MRPS16: variants seen among roughly 807,000 people sequenced by gnomAD.
The protein encoded by MRPS16 is mitochondrial ribosomal protein S16.
In MRPS16, 5 loss-of-function variants were observed where a neutral mutation model predicts 11.0. That is an observed-to-expected ratio of 0.46 (90% CI 0.24 to 0.96). The LOEUF (loss-of-function observed/expected upper bound fraction) is 0.96. Among genes scored for constraint, MRPS16 ranks in the 40% least tolerant of loss-of-function variants. The pLI is 0.20. For synonymous variants in MRPS16, 76 were observed against 65.0 expected, an observed-to-expected ratio of 1.17 and a Z score of -0.81; for missense variants, 179 against 174.4, an observed-to-expected ratio of 1.03 and a Z score of -0.15.
rs1318760839 is a variant in MRPS16 at position 73,251,764 on chromosome 10, CAGA to C, written c.270_272del (p.Leu91del). 1 of 1,614,170 alleles carries C rather than the reference CAGA, an allele frequency of 6.2e-7. No homozygotes were observed. The highest frequency in any genetic ancestry group is 1.3e-5 in the African/African-American group (1 of 75,044). ...AAGGTAAGACCAGAGCTGAGTTACC[CAGA>C]AGCTTTTCCATAGGCTTAGAGAGGT... On this transcript the variant is annotated inframe_deletion and splice_region_variant, in exon 2 of 3. Coordinates refer to ENST00000372945, the MANE Select transcript of MRPS16 (RefSeq NM_016065.4).
At chr10:73,251,215 G>A (rs1220724248) in intron 2 of MRPS16, among the ~76,000 whole-genome samples, 1 of 152,046 alleles carries the variant, frequency 6.6e-6, no homozygotes, top group Non-Finnish European at 1.5e-5. Context: ...ACTGACAGAT[G>A]GCCATTCAAA....
Position 73,249,380 on chromosome 10 carries a change from A to C in MRPS16, c.*1472T>G. On this transcript the variant is annotated 3_prime_UTR_variant, in exon 3 of 3. Coordinates refer to ENST00000372945, the MANE Select transcript of MRPS16 (RefSeq NM_016065.4). ...TAAAGTATACTGAAGTTATTCAAAT[A>C]CATTCAAACTATAAAGATCCCTTAT... 1.4e-6 allele frequency: 2 copies of C among 1,461,864 alleles called. No individual in the cohort carries two copies. The highest frequency in any genetic ancestry group is 1.9e-6 in the Non-Finnish European group (2 of 1,072,814). 90.6% of individuals were successfully genotyped at this position (1,461,864 alleles called of 1,614,324 possible).
intron 1 of MRPS16, 191 bp downstream of exon 1, chr10:73,252,279 T>G (rs776422997): frequency 3.4e-4 from 369 of 1,080,166 alleles, no homozygotes; most frequent in Non-Finnish European, 4.7e-4. Flanking sequence ...CCTTAGCTGC[T>G]TCAATGGGGT....
Position 73,251,142 on chromosome 10 carries a change from C to G in MRPS16, c.275-151G>C, listed in dbSNP as rs113275253. The G allele has an allele frequency of 5.8e-4, 512 of 888,218 alleles. 3 individuals are homozygous for G. In the African/African-American group the frequency reaches 7.2e-3, roughly 13 times the overall value. 55.0% of individuals were successfully genotyped at this position (888,218 alleles called of 1,614,324 possible). A position where few individuals can be genotyped will look rare whatever the true frequency, so the allele number is the denominator to read the frequency against. On this transcript the variant is annotated intron_variant, in intron 2 of 2. Transcript: ENST00000372945. ...TTGCCAAACTCTGTACTACTTCTCC[C>G]CGGCAAGGAGACAGTGGATGTCTAC...
In MRPS16 at chr10:73,251,048, G is replaced by A. The variant is rs994092444; in HGVS notation, c.275-57C>T. The A allele has an allele frequency of 3.1e-6, 5 of 1,595,538 alleles. No homozygotes were observed. The Admixed American group carries it at 8.3e-5, about 27-fold the overall frequency. ...CACAGTATAAGCCAATGCTTCCCTA[G>A]GAACTCTGTCTCACAGAACTGAGGT... On this transcript the variant is annotated intron_variant, in intron 2 of 2. Transcript: ENST00000372945.
Position 73,252,620 on chromosome 10 carries a change from G to C in MRPS16, c.-138C>G, listed in dbSNP as rs182975011. 3.2e-5 allele frequency: 41 copies of C among 1,266,204 alleles called. No homozygotes were observed. The African/African-American group carries it at 4.6e-4, about 14-fold the overall frequency. 78.4% of individuals were successfully genotyped at this position (1,266,204 alleles called of 1,614,324 possible). On this transcript the variant is annotated 5_prime_UTR_variant, in exon 1 of 3. Coordinates refer to ENST00000372945, the MANE Select transcript of MRPS16 (RefSeq NM_016065.4). ...CCGCACCGCCAAGCGGTACAAGCCC[G>C]AAAACCTCGACTCCGGAAGCGGATG...
Position 73,250,715 on chromosome 10 carries a change from G to A in MRPS16, c.*137C>T. The A allele has an allele frequency of 3.4e-6, 4 of 1,174,274 alleles. No individual in the cohort carries two copies. The highest frequency in any genetic ancestry group is 5.0e-6 in the Non-Finnish European group (4 of 796,300). 72.7% of individuals were successfully genotyped at this position (1,174,274 alleles called of 1,614,324 possible). A position where few individuals can be genotyped will look rare whatever the true frequency, so the allele number is the denominator to read the frequency against. ...CAAATCTCTCCCTGGGCCCTGTGCA[G>A]GCCAGGCCAGAAGAGCAAGGGCAAC... is the stretch of plus-strand genomic sequence containing the variant. On this transcript the variant is annotated 3_prime_UTR_variant, in exon 3 of 3. Coordinates refer to ENST00000372945, the MANE Select transcript of MRPS16 (RefSeq NM_016065.4).
rs141953041 is a variant in MRPS16 at position 73,252,021 on chromosome 10, T to C, written c.16A>G (p.Thr6Ala). The change falls in exon 2 of 3, where the codon ACT becomes GCT. Residue 6 changes from threonine (T) to alanine (A), a missense_variant and splice_region_variant. By Grantham distance (58) the Thr-to-Ala change is moderately conservative. Coordinates refer to ENST00000372945, the MANE Select transcript of MRPS16 (RefSeq NM_016065.4). MVHLT[T>A]LLCKAYRGGH... is the part of the protein sequence containing the mutation. ...CCACGGTAGGCCTTGCAGAGGAGAGTAGCTGTAGAAAAGCAGCTGGTTAGG... is the reference window on the plus strand; with the variant it reads ...CCACGGTAGGCCTTGCAGAGGAGAGCAGCTGTAGAAAAGCAGCTGGTTAGG... The C allele has an allele frequency of 6.2e-7, 1 of 1,613,116 alleles. No homozygotes were observed.
rs2044072495 is a variant in MRPS16, at chr10:73,250,393, A to AG, written c.*458_*459insC. On this transcript the variant is annotated 3_prime_UTR_variant, in exon 3 of 3. Coordinates refer to ENST00000372945, the MANE Select transcript of MRPS16 (RefSeq NM_016065.4). ...GAACAAGACTCCGTCTCAAAAAAAA[A>AG]AAAAAAAAGAGAATATGCATTAGGC... The AG allele has an allele frequency of 5.6e-6, 1 of 177,622 alleles. No homozygotes were observed. Among genetic ancestry groups the AG allele is most frequent in the African/African-American group, 2.4e-5 (1 of 41,588 alleles). 11.0% of individuals were successfully genotyped at this position (177,622 alleles called of 1,614,324 possible).
rs2044052655 is a variant in MRPS16, at chr10:73,249,221, C to T, written c.*1631G>A. The stretch of plus-strand genomic sequence containing the variant: ...GTGTGAGCCACTGCCCCAATGGTAT[C>T]TTTATATTATTTTTCCTTACAAGTT... On this transcript the variant is annotated 3_prime_UTR_variant, in exon 3 of 3. Transcript: ENST00000372945. 1.3e-6 allele frequency: 2 copies of T among 1,486,292 alleles called. No homozygotes were observed. Among genetic ancestry groups the T allele is most frequent in the South Asian group, 1.2e-5 (1 of 82,148 alleles). 92.1% of individuals were successfully genotyped at this position (1,486,292 alleles called of 1,614,324 possible).
At chr10:73,251,674 C>T in intron 2 of MRPS16, 89 bp downstream of exon 2, 1 of 1,586,000 alleles carries the variant, frequency 6.3e-7, no homozygotes. Context: ...AGCCACCGTG[C>T]CCAGCCGAAA....
In MRPS16 at chr10:73,249,529, C is replaced by A; in HGVS notation, c.*1323G>T. 1 of 501,992 alleles carries A rather than the reference C, an allele frequency of 2.0e-6. No homozygotes were observed. Among genetic ancestry groups the A allele is most frequent in the East Asian group, 3.2e-5 (1 of 30,824 alleles). The allele number at this position is 501,992 out of a possible 1,614,324, so 31.1% of individuals were successfully genotyped here. On this transcript the variant is annotated 3_prime_UTR_variant, in exon 3 of 3. Coordinates refer to ENST00000372945, the MANE Select transcript of MRPS16 (RefSeq NM_016065.4). ...ACAGAGCAGCCTTCTTAACCTGCTC[C>A]ATAAAATTACCAGCAAGAAAGAAAA...
chr10:73,251,993 C>T lies in MRPS16; in HGVS notation c.44G>A (p.Gly15Asp), dbSNP rs1485533489. 6.2e-7 allele frequency: 1 copy of T among 1,614,058 alleles called. No homozygotes were observed. The highest frequency in any genetic ancestry group is 1.1e-5 in the South Asian group (1 of 91,068). ...CAGGGCAAGGCGGATGGTTAAGTGG[C>T]CCCCACGGTAGGCCTTGCAGAGGAG... Reference protein sequence around the residue: ...TTLLCKAYRGGHLTIRLALGG... With the variant: ...TTLLCKAYRGDHLTIRLALGG... Residue 15 changes from glycine (G) to aspartate (D), a missense_variant, in exon 2 of 3, where the codon GGC becomes GAC. Gly to Asp is a moderately conservative substitution (Grantham distance 94). Transcript: ENST00000372945.
At chr10:73,252,055 A>T in intron 1 of MRPS16, 32 bp from the exon 2 acceptor site, 1 of 1,603,400 alleles carries the variant, frequency 6.2e-7, no homozygotes, top group Non-Finnish European at 8.5e-7. Context: ...GGACACAAAA[A>T]ACAGCACAAA....
At position 73,249,292 on chromosome 10, in the gene MRPS16, T is replaced by C. The variant is rs1268639556; in HGVS notation, c.*1560A>G. 5 of 1,550,238 alleles carry C rather than the reference T, an allele frequency of 3.2e-6. No homozygotes were observed. In the South Asian group the frequency reaches 6.0e-5, roughly 18 times the overall value. ...AATTTCATCTCACTGACTTCAGGCT[T>C]TTAAAACACATGGGAATACTTGAGA... On this transcript the variant is annotated 3_prime_UTR_variant, in exon 3 of 3. Coordinates refer to ENST00000372945, the MANE Select transcript of MRPS16 (RefSeq NM_016065.4).
chr10:73,251,142 C>T, intron 2 of MRPS16, 151 bp from the exon 3 acceptor site: 3 of 888,220 alleles, frequency 3.4e-6, no homozygotes, highest in Non-Finnish European at 5.4e-6. Flanking sequence ...CTACTTCTCC[C>T]CGGCAAGGAG....
In MRPS16 at chr10:73,250,384, C is replaced by CAAA. The variant is rs113258240; in HGVS notation, c.*465_*467dup. 1.6e-4 allele frequency: 15 copies of CAAA among 95,966 alleles called. No individual in the cohort carries two copies. The highest frequency in any genetic ancestry group is 4.2e-4 in the Admixed American group (4 of 9,564). The allele number at this position is 95,966 out of a possible 1,614,324, so 5.9% of individuals were successfully genotyped here. On this transcript the variant is annotated 3_prime_UTR_variant, in exon 3 of 3. Transcript: ENST00000372945. ...CTGGCAACAGAACAAGACTCCGTCT[C>CAAA]AAAAAAAAAAAAAAAAAGAGAATAT...
chr10:73,250,529 G>A lies in MRPS16; in HGVS notation c.*323C>T, dbSNP rs190204061. ...TGGGCCATGAATAGTCTGGCTGGGGGTTTTGAAGCAGGAAGTCTTGGAAGC... is the reference window on the plus strand; with the variant it reads ...TGGGCCATGAATAGTCTGGCTGGGGATTTTGAAGCAGGAAGTCTTGGAAGC... On this transcript the variant is annotated 3_prime_UTR_variant, in exon 3 of 3. Transcript: ENST00000372945. The A allele has an allele frequency of 3.4e-4, 133 of 388,002 alleles. 2 individuals carry two copies. The Middle Eastern group carries it at 5.8e-3, about 17-fold the overall frequency. The allele number at this position is 388,002 out of a possible 1,614,324, so 24.0% of individuals were successfully genotyped here.
rs567265354 is a variant in MRPS16 at position 73,251,548 on chromosome 10, T to A, written c.274+215A>T. Among the ~76,000 whole-genome samples, 69 of 152,218 alleles carry A rather than the reference T, an allele frequency of 4.5e-4. 1 individual carries two copies. The South Asian group carries it at 7.3e-3, about 16-fold the overall frequency. On this transcript the variant is annotated intron_variant, in intron 2 of 2. Coordinates refer to ENST00000372945, the MANE Select transcript of MRPS16 (RefSeq NM_016065.4). ...GTGTCACCACGCCCAACTAATTTTTTTTTTTTATTTTTAGTAGAGACAGCG... is the reference window on the plus strand; with the variant it reads ...GTGTCACCACGCCCAACTAATTTTTATTTTTTATTTTTAGTAGAGACAGCG...
Sources: gnomAD v4.1 joint callset for allele counts (sites outside exome capture counted in the v4.1 genomes callset) on GRCh38, gnomAD v4.1.1 for gene constraint, MANE v1.5 for transcripts, NCBI Gene and HGNC (gene_info 2026-07-23, HGNC 2026-07-21) for gene names.